Variants in LAMA3 observed in about 807,000 individuals in gnomAD.
LAMA3 encodes laminin subunit alpha 3.
Under a neutral mutation model 402.0 loss-of-function variants are expected in LAMA3, and 281 were observed. The ratio of observed to expected loss-of-function variants is 0.70; its 90% CI spans 0.63 to 0.77. LAMA3 has a LOEUF of 0.77. Ranked by LOEUF, LAMA3 falls within the 30% of genes least tolerant of loss-of-function variation. LAMA3 has a pLI of 0.00. For missense variants in LAMA3, 3,840 were observed against 4,215.5 expected, an observed-to-expected ratio of 0.91 and a Z score of 2.47; for synonymous variants, 1,431 against 1,558.4, an observed-to-expected ratio of 0.92 and a Z score of 1.93.
chr18:23,921,117 A>G (rs1334650218), intron 61 of LAMA3, 63 bp downstream of exon 61: 11 of 1,532,408 alleles, frequency 7.2e-6, no homozygotes, highest in African/African-American at 1.4e-5. Flanking sequence ...AAATTAAGTC[A>G]GTGCCCCCAA....
chr18:23,780,107 T>C (rs2062405629), intron 11 of LAMA3, among the ~76,000 whole-genome samples: 1 of 149,646 alleles, frequency 6.7e-6, no homozygotes, highest in South Asian at 2.4e-4. Context: ...TGGTGACTAC[T>C]GAGGAGAATT....
intron 26 of LAMA3, 57 bp downstream of exon 26, chr18:23,838,935 G>A: frequency 1.9e-6 from 2 of 1,041,086 alleles, no homozygotes; most frequent in Non-Finnish European, 3.0e-6. Flanking sequence ...TGGGATGAGT[G>A]TAAGGCTGAA....
In LAMA3 at chr18:23,822,342, G is replaced by A. The variant is rs560952793; in HGVS notation, c.2395G>A (p.Val799Ile). ...ATACGTTAACCCTGGAACTGAAGCA[G>A]TATCTGGCCATATAACTATTTATCC... is the stretch of plus-strand genomic sequence containing the variant. ...LRYVNPGTEA[V>I]SGHITIYPSW... is the part of the protein sequence containing the mutation. Residue 799 changes from valine (V) to isoleucine (I), a missense_variant, in exon 20 of 75, where the codon GTA becomes ATA. Around this residue, in one of 3 missense-constraint regions of LAMA3, gnomAD observed 2,109 missense variants for 2,376.0 expected, o/e 0.89. Transcript: ENST00000313654. The A allele has an allele frequency of 2.0e-5, 33 of 1,613,922 alleles. No individual in the cohort carries two copies. In the South Asian group the frequency reaches 3.1e-4, roughly 15 times the overall value.
At chr18:23,806,984 A>G (rs2062974546) in intron 12 of LAMA3, among the ~76,000 whole-genome samples, 1 of 152,200 alleles carries the variant, frequency 6.6e-6, no homozygotes, top group African/African-American at 2.4e-5. Flanking sequence ...ATACGTGGTC[A>G]CCCAGAACCT....
intron 2 of LAMA3, among the ~76,000 whole-genome samples, chr18:23,735,448 C>G (rs143745977): frequency 6.6e-6 from 1 of 152,236 alleles, no homozygotes; most frequent in East Asian, 1.9e-4. Flanking sequence ...CGTCTTCGTT[C>G]CTAGCGTGTT....
rs1277197320 is a variant in LAMA3 at position 23,689,563 on chromosome 18, C to G, written c.-121C>G. On this transcript the variant is annotated 5_prime_UTR_variant, in exon 1 of 75. Coordinates refer to ENST00000313654, the MANE Select transcript of LAMA3 (RefSeq NM_198129.4). ...TGGAGCAAGGGGAGCGGCCCCGGCGCCGCCCATATCCCCGGCTGCGCTAGT... is the reference window on the plus strand; with the variant it reads ...TGGAGCAAGGGGAGCGGCCCCGGCGGCGCCCATATCCCCGGCTGCGCTAGT... The G allele has an allele frequency of 1.0e-6, 1 of 1,000,038 alleles. No individual in the cohort carries two copies. The highest frequency in any genetic ancestry group is 4.4e-5 in the Admixed American group (1 of 22,726). 61.9% of individuals were successfully genotyped at this position (1,000,038 alleles called of 1,614,324 possible). A position where few individuals can be genotyped will look rare whatever the true frequency, so the allele number is the denominator to read the frequency against.
At chr18:23,904,202 C>T (rs561954228) in intron 50 of LAMA3, 115 bp downstream of exon 50, 538 of 1,224,764 alleles carry the variant, frequency 4.4e-4, no homozygotes, top group Non-Finnish European at 5.7e-4. Context: ...GGGTGGAGGG[C>T]GGAGGGTGGG....
intron 29 of LAMA3, among the ~76,000 whole-genome samples, chr18:23,843,945 C>A (rs944625880): frequency 6.6e-6 from 1 of 152,210 alleles, no homozygotes; most frequent in Non-Finnish European, 1.5e-5. Context: ...CCTACCCACT[C>A]ACCCAGCTCA....
intron 11 of LAMA3, among the ~76,000 whole-genome samples, chr18:23,780,250 G>A (rs1021506175): frequency 8.6e-5 from 13 of 151,868 alleles, no homozygotes; most frequent in African/African-American, 3.1e-4. Context: ...GAGACAGAAA[G>A]GTCAACAGTT....
At chr18:23,919,489 G>C (rs889481764) in intron 60 of LAMA3, among the ~76,000 whole-genome samples, 1 of 152,198 alleles carries the variant, frequency 6.6e-6, no homozygotes, top group African/African-American at 2.4e-5. Context: ...CTGTTAATAG[G>C]TTGTTTATTT....
rs1397943222 is a variant in LAMA3 at position 23,939,194 on chromosome 18, G to A, written c.8863-29G>A. 5.6e-6 allele frequency: 9 copies of A among 1,610,352 alleles called. 1 individual carries two copies. Among genetic ancestry groups the A allele is most frequent in the Non-Finnish European group, 7.6e-6 (9 of 1,177,446 alleles). ...ATAAGCATTCTTCACTCTTTCCCCT[G>A]ATAATTGTGTTGCTCTTTTCCCATG... On this transcript the variant is annotated intron_variant, in intron 67 of 74. Coordinates refer to ENST00000313654, the MANE Select transcript of LAMA3 (RefSeq NM_198129.4).
At chr18:23,704,789 C>T (rs1011195305) in intron 1 of LAMA3, among the ~76,000 whole-genome samples, 3 of 152,288 alleles carry the variant, frequency 2.0e-5, no homozygotes, top group African/African-American at 7.2e-5. Context: ...CGTTAGGGAG[C>T]ACTGCTATAA....
In LAMA3 at chr18:23,822,265, T is replaced by C; in HGVS notation, c.2318T>C (p.Ile773Thr). 6.2e-7 allele frequency: 1 copy of C among 1,614,026 alleles called. No individual in the cohort carries two copies. Among genetic ancestry groups the C allele is most frequent in the Non-Finnish European group, 8.5e-7 (1 of 1,179,910 alleles). ...QMTSVQNDVRITLNVGKSSGS... is the reference protein window; with the variant it reads ...QMTSVQNDVRTTLNVGKSSGS... ...GGTATTTTTCAGAATGATGTAAGAA[T>C]AACATTGAATGTAGGGAAGTCAAGT... Residue 773 changes from isoleucine (I) to threonine (T), a missense_variant, in exon 20 of 75, where the codon ATA (isoleucine) becomes ACA (threonine). By Grantham distance (89) the Ile-to-Thr change is moderately conservative (BLOSUM62 -1). Transcript: ENST00000313654.
intron 12 of LAMA3, among the ~76,000 whole-genome samples, chr18:23,790,616 A>G (rs1246094238): frequency 6.6e-6 from 1 of 152,110 alleles, no homozygotes; most frequent in Non-Finnish European, 1.5e-5. Flanking sequence ...GCGGCTTCGG[A>G]CTTTCAAATA....
At chr18:23,923,573 C>G (rs1377669087) in intron 62 of LAMA3, among the ~76,000 whole-genome samples, 2 of 152,198 alleles carry the variant, frequency 1.3e-5, no homozygotes, top group Non-Finnish European at 2.9e-5. Flanking sequence ...GAAGTTAAGT[C>G]TGAGACAGGC....
In LAMA3 at chr18:23,741,258, G is replaced by A. The variant is rs145360872; in HGVS notation, c.448-6685G>A. Among the ~76,000 whole-genome samples, 11 of 152,122 alleles carry A rather than the reference G, an allele frequency of 7.2e-5. No individual in the cohort carries two copies. In the East Asian group the frequency reaches 2.1e-3, roughly 29 times the overall value. On this transcript the variant is annotated intron_variant, in intron 2 of 74. Transcript: ENST00000313654. ...TCTTTCTGATAGTGCCAGGGCCTGA[G>A]TTTTTCAGCACAGGGTGATGATAAA...
intron 18 of LAMA3, 79 bp from the exon 19 acceptor site, chr18:23,819,762 G>C: frequency 8.0e-7 from 1 of 1,249,704 alleles, no homozygotes; most frequent in Non-Finnish European, 1.2e-6. Flanking sequence ...TTCTTTCATA[G>C]TAACTATTGT....
At chr18:23,705,426 G>A (rs1347548227) in intron 1 of LAMA3, among the ~76,000 whole-genome samples, 1 of 149,968 alleles carries the variant, frequency 6.7e-6, no homozygotes, top group Non-Finnish European at 1.5e-5. Flanking sequence ...AAGAGACCCA[G>A]CTCGGGAATG....
chr18:23,858,240 G>A (rs1005989215), intron 33 of LAMA3, among the ~76,000 whole-genome samples: 1 of 152,130 alleles, frequency 6.6e-6, no homozygotes, highest in Non-Finnish European at 1.5e-5. Flanking sequence ...AGAAAAATCA[G>A]CACAAACTTT....
Sources: gnomAD v4.1 joint callset for allele counts (sites outside exome capture counted in the v4.1 genomes callset) on GRCh38, gnomAD v4.1.1 for gene constraint, gnomAD v4.1.1 regional missense constraint, MANE v1.5 for transcripts, NCBI Gene and HGNC (gene_info 2026-07-23, HGNC 2026-07-21) for gene names.